AP3B1: variants seen among roughly 807,000 people sequenced by gnomAD.
AP3B1 encodes AP-3 complex subunit beta-1.
A neutral mutation model predicts 132.5 loss-of-function variants in AP3B1; 61 were observed. The observed-to-expected ratio is 0.46, with a 90% CI of 0.37 to 0.57. The LOEUF is 0.57. AP3B1 is among the 20% of genes least tolerant of loss of function. The pLI, the probability that AP3B1 is intolerant of heterozygous loss-of-function variation, is 0.00. For synonymous variants in AP3B1, 388 were observed against 438.3 expected (o/e 0.89, Z 1.43); for missense variants, 1,120 against 1,289.4 (o/e 0.87, Z 2.01).
intron 26 of AP3B1, among the ~76,000 whole-genome samples, chr5:78,004,240 C>T (rs529898864): frequency 2.0e-5 from 3 of 152,304 alleles, no homozygotes; most frequent in East Asian, 1.9e-4. Context: ...AAAACTGCCG[C>T]GCTAACAGCA....
chr5:78,149,829 T>A (rs750628867), intron 14 of AP3B1, among the ~76,000 whole-genome samples: 7 of 152,142 alleles, frequency 4.6e-5, no homozygotes, highest in Non-Finnish European at 1.0e-4. Context: ...TTGGCTTTGA[T>A]CATTAGAATC....
chr5:78,100,416 TA>T (rs1485961774), intron 21 of AP3B1, among the ~76,000 whole-genome samples: 2 of 152,180 alleles, frequency 1.3e-5, no homozygotes, highest in Non-Finnish European at 2.9e-5. Context: ...TGGGTGAATA[TA>T]TTTGTAGGAT....
chr5:78,287,770 T>C (rs930727712), intron 1 of AP3B1, among the ~76,000 whole-genome samples: 1 of 140,634 alleles, frequency 7.1e-6, no homozygotes, highest in Non-Finnish European at 1.5e-5. Context: ...AAAAAAAAAG[T>C]AGGATCCAGT....
At chr5:78,122,909 A>T (rs1045946828) in intron 17 of AP3B1, among the ~76,000 whole-genome samples, 3 of 152,244 alleles carry the variant, frequency 2.0e-5, no homozygotes, top group African/African-American at 4.8e-5. Flanking sequence ...AGCCAAAAGA[A>T]CAAAGCTGGA....
intron 24 of AP3B1, among the ~76,000 whole-genome samples, chr5:78,027,146 C>T (rs538313543): frequency 6.6e-6 from 1 of 152,028 alleles, no homozygotes; most frequent in South Asian, 2.1e-4. Flanking sequence ...TTTCTGAGTA[C>T]TGTGTCTTGC....
chr5:78,071,253 T>C (rs2112162888), intron 22 of AP3B1, among the ~76,000 whole-genome samples: 1 of 152,330 alleles, frequency 6.6e-6, no homozygotes, highest in East Asian at 1.9e-4. Context: ...ATCATGTCCT[T>C]CACAGGGACA....
At chr5:78,167,446 T>G (rs1246285286) in intron 11 of AP3B1, among the ~76,000 whole-genome samples, 1 of 152,110 alleles carries the variant, frequency 6.6e-6, no homozygotes, top group African/African-American at 2.4e-5. Context: ...CTTAAAAAAG[T>G]AAAAGTAGAA....
chr5:78,274,030 A>AG (rs1166855167), intron 1 of AP3B1, among the ~76,000 whole-genome samples: 3 of 139,170 alleles, frequency 2.2e-5, no homozygotes, highest in African/African-American at 5.2e-5. Flanking sequence ...AAAGAAAAAA[A>AG]GGAAAAAAAA....
At chr5:78,060,528 T>C (rs1229043307) in intron 22 of AP3B1, among the ~76,000 whole-genome samples, 1 of 152,222 alleles carries the variant, frequency 6.6e-6, no homozygotes. Context: ...TTTCTCTGTG[T>C]ATTTGGCAGC....
At chr5:78,192,566 T>C (rs1339341674) in intron 7 of AP3B1, among the ~76,000 whole-genome samples, 2 of 152,042 alleles carry the variant, frequency 1.3e-5, no homozygotes, top group African/African-American at 2.4e-5. Flanking sequence ...CACTTGAACC[T>C]GGGAGGCGGA....
At chr5:78,266,212 G>C (rs376645888) in intron 2 of AP3B1, among the ~76,000 whole-genome samples, 56 of 152,010 alleles carry the variant, frequency 3.7e-4, no homozygotes, top group African/African-American at 1.3e-3. Context: ...TTAGGGGATT[G>C]GTGTCACTTA....
intron 11 of AP3B1, among the ~76,000 whole-genome samples, chr5:78,174,047 T>A (rs1000628712): frequency 2.0e-5 from 3 of 152,182 alleles, no homozygotes; most frequent in Non-Finnish European, 2.9e-5. Flanking sequence ...TCATTTAAGG[T>A]GTTCTCTACA....
intron 3 of AP3B1, among the ~76,000 whole-genome samples, chr5:78,233,002 C>T (rs918965396): frequency 2.0e-4 from 31 of 152,110 alleles, no homozygotes; most frequent in African/African-American, 7.5e-4. Context: ...CCACCACACC[C>T]GGCCGCCTTC....
At chr5:78,067,986 T>G in intron 22 of AP3B1, among the ~76,000 whole-genome samples, 1 of 148,850 alleles carries the variant, frequency 6.7e-6, no homozygotes, top group Non-Finnish European at 1.5e-5. Flanking sequence ...CAGGAGCTGG[T>G]TGTTTGAAAA....
intron 24 of AP3B1, among the ~76,000 whole-genome samples, chr5:78,031,320 A>AT (rs1747566567): frequency 6.6e-6 from 1 of 152,150 alleles, no homozygotes; most frequent in Non-Finnish European, 1.5e-5. Flanking sequence ...GGCAGGTAGG[A>AT]AATGGCCTTT....
intron 7 of AP3B1, among the ~76,000 whole-genome samples, chr5:78,185,968 T>C (rs998876320): frequency 5.9e-5 from 9 of 152,206 alleles, no homozygotes; most frequent in African/African-American, 1.9e-4. Flanking sequence ...AATGTTGAAA[T>C]AACCCACAGT....
rs184105244 is a variant in AP3B1 at position 78,239,011 on chromosome 5, T to C, written c.279+1851A>G. Among the ~76,000 whole-genome samples, 318 of 150,904 alleles carry C rather than the reference T, an allele frequency of 2.1e-3. 2 individuals are homozygous for C. Among genetic ancestry groups the C allele is most frequent in the African/African-American group, 7.0e-3 (287 of 41,012 alleles). On this transcript the variant is annotated intron_variant, in intron 3 of 26. Coordinates refer to ENST00000255194, the MANE Select transcript of AP3B1 (RefSeq NM_003664.5). ...AGAAATGAGAAGGTTGGAGTGGCAA[T>C]ACTAATAACAAATCAAATATGCTTT...
chr5:78,050,459 T>C (rs1748533176), intron 22 of AP3B1, among the ~76,000 whole-genome samples: 1 of 151,912 alleles, frequency 6.6e-6, no homozygotes, highest in African/African-American at 2.4e-5. Context: ...TATACATTAT[T>C]TAATGCTGAG....
chr5:78,003,458 C>A (rs562533950), intron 26 of AP3B1: 4 of 798,114 alleles, frequency 5.0e-6, no homozygotes, highest in Non-Finnish European at 6.1e-6. Flanking sequence ...AGAAAAGGTA[C>A]CTTTCTCAAA....
Sources: gnomAD v4.1 joint callset for allele counts (sites outside exome capture counted in the v4.1 genomes callset) on GRCh38, gnomAD v4.1.1 for gene constraint, MANE v1.5 for transcripts, NCBI Gene and HGNC (gene_info 2026-07-23, HGNC 2026-07-21) for gene names.